The following RNF150 variants were observed in gnomAD, a reference collection of about 807,000 sequenced individuals.
The protein encoded by RNF150 is ring finger protein 150.
RNF150 carries 24 observed loss-of-function variants against 39.3 expected under a neutral mutation model. That is an observed-to-expected ratio of 0.61 (90% CI 0.44 to 0.86). RNF150 has a LOEUF of 0.86. Among genes scored for constraint, RNF150 ranks in the 40% least tolerant of loss-of-function variants. The pLI, the probability that RNF150 is intolerant of heterozygous loss-of-function variation, is 0.00. For synonymous variants in RNF150, 255 were observed against 227.3 expected (o/e 1.12, Z -1.10); for missense variants, 502 against 587.8 (o/e 0.85, Z 1.51).
At chr4:141,104,140 C>T (rs1276620141) in intron 1 of RNF150, among the ~76,000 whole-genome samples, 2 of 152,048 alleles carry the variant, frequency 1.3e-5, no homozygotes, top group Admixed American at 6.6e-5. Flanking sequence ...TTGTGCATAT[C>T]GCCTCATTGG....
In RNF150 at chr4:140,866,327, C is replaced by T. The variant is rs1195276413; in HGVS notation, c.*1934G>A. 3.3e-5 allele frequency: 5 copies of T among 152,172 alleles called. No homozygotes were observed. Among genetic ancestry groups the T allele is most frequent in the South Asian group, 2.1e-4 (1 of 4,818 alleles). 9.4% of individuals were successfully genotyped at this position (152,172 alleles called of 1,614,324 possible). A position where few individuals can be genotyped will look rare whatever the true frequency, so the allele number is the denominator to read the frequency against. ...CCACAGCCAGAGGAGCTTGGGGACT[C>T]ATGTTATTAAACCCTTCACATTATA... is the stretch of plus-strand genomic sequence containing the variant. On this transcript the variant is annotated 3_prime_UTR_variant, in exon 7 of 7. Transcript: ENST00000515673.
chr4:141,025,123 C>G (rs1001042635), intron 1 of RNF150, among the ~76,000 whole-genome samples: 26 of 152,172 alleles, frequency 1.7e-4, no homozygotes, highest in Non-Finnish European at 3.4e-4. Flanking sequence ...AGGATTAGAA[C>G]TCTTCAAGAA....
intron 1 of RNF150, among the ~76,000 whole-genome samples, chr4:140,990,389 T>C (rs1579032115): frequency 6.6e-6 from 1 of 152,330 alleles, no homozygotes; most frequent in East Asian, 1.9e-4. Context: ...ATGCAGGACC[T>C]GCAGGTTACC....
chr4:141,114,263 C>G (rs1739477617), intron 1 of RNF150, among the ~76,000 whole-genome samples: 1 of 151,776 alleles, frequency 6.6e-6, no homozygotes, highest in African/African-American at 2.4e-5. Context: ...AGACCACTAG[C>G]CAGACTAATA....
intron 4 of RNF150, 39 bp from the exon 5 acceptor site, chr4:140,926,112 G>C (rs1731390873): frequency 7.0e-7 from 1 of 1,435,818 alleles, no homozygotes; most frequent in Admixed American, 1.7e-5. Context: ...GGCGGTAACT[G>C]CAGAGAATAC....
chr4:141,103,668 TA>T (rs1739097569), intron 1 of RNF150, among the ~76,000 whole-genome samples: 1 of 152,212 alleles, frequency 6.6e-6, no homozygotes, highest in Non-Finnish European at 1.5e-5. Context: ...TGCAATGAAT[TA>T]TAATGGTTTC....
At chr4:141,080,441 G>T (rs954476007) in intron 1 of RNF150, among the ~76,000 whole-genome samples, 3 of 152,174 alleles carry the variant, frequency 2.0e-5, no homozygotes, top group Non-Finnish European at 4.4e-5. Context: ...GCTATAATCA[G>T]TTTAAATTTT....
chr4:140,987,430 T>C (rs1294092892), intron 1 of RNF150, among the ~76,000 whole-genome samples: 4 of 151,836 alleles, frequency 2.6e-5, no homozygotes, highest in Non-Finnish European at 4.4e-5. Context: ...CACAGACCAA[T>C]AGAATAAAAT....
intron 6 of RNF150, among the ~76,000 whole-genome samples, chr4:140,889,899 C>T (rs1729699500): frequency 6.6e-6 from 1 of 152,032 alleles, no homozygotes; most frequent in African/African-American, 2.4e-5. Context: ...CCCAAGATTC[C>T]CCAGCATAGA....
chr4:140,950,332 G>C (rs1174523955), intron 2 of RNF150, among the ~76,000 whole-genome samples: 1 of 152,096 alleles, frequency 6.6e-6, no homozygotes, highest in African/African-American at 2.4e-5. Context: ...CAAGCTTCTT[G>C]CTTTTCTTTA....
intron 1 of RNF150, among the ~76,000 whole-genome samples, chr4:141,093,597 C>T (rs11941255): frequency 0.29 from 44,445 of 151,920 alleles, 6,850 homozygotes; most frequent in African/African-American, 0.38. Flanking sequence ...TCTGGGGTAA[C>T]CCATAACACC....
intron 1 of RNF150, among the ~76,000 whole-genome samples, chr4:141,077,041 G>A (rs943478390): frequency 6.6e-5 from 10 of 152,056 alleles, no homozygotes; most frequent in African/African-American, 1.2e-4. Context: ...AAGTCACCTG[G>A]TTTAGGGTTG....
At chr4:140,991,924 A>G (rs367978498) in intron 1 of RNF150, among the ~76,000 whole-genome samples, 1 of 152,178 alleles carries the variant, frequency 6.6e-6, no homozygotes, top group African/African-American at 2.4e-5. Flanking sequence ...AGGTCACTCA[A>G]TAATTCTTAA....
chr4:141,203,107 GAC>G (rs1459623925), intron 1 of RNF150, among the ~76,000 whole-genome samples: 4 of 144,756 alleles, frequency 2.8e-5, no homozygotes, highest in African/African-American at 5.1e-5. Context: ...TAATCTTGGA[GAC>G]GATATATATA....
chr4:140,942,646 C>T (rs567875068), intron 4 of RNF150, among the ~76,000 whole-genome samples: 3 of 152,278 alleles, frequency 2.0e-5, no homozygotes, highest in Non-Finnish European at 2.9e-5. Context: ...GAAGTGTTTT[C>T]GAATTTCTTT....
At chr4:140,916,030 CA>C (rs1046085014) in intron 5 of RNF150, among the ~76,000 whole-genome samples, 160 of 152,240 alleles carry the variant, frequency 1.1e-3, no homozygotes, top group African/African-American at 3.8e-3. Flanking sequence ...ACATCCACAC[CA>C]AAAACCCATC....
At chr4:141,021,786 A>G (rs888579355) in intron 1 of RNF150, among the ~76,000 whole-genome samples, 4 of 152,208 alleles carry the variant, frequency 2.6e-5, no homozygotes, top group African/African-American at 7.2e-5. Flanking sequence ...TAGAAGCCCA[A>G]CATGTGGGAA....
chr4:140,898,707 A>C (rs1015557978), intron 6 of RNF150, among the ~76,000 whole-genome samples: 1 of 152,242 alleles, frequency 6.6e-6, no homozygotes, highest in Non-Finnish European at 1.5e-5. Context: ...TTTTTTAACA[A>C]GGAAGATATG....
At chr4:140,888,915 A>G (rs563954685) in intron 6 of RNF150, among the ~76,000 whole-genome samples, 2 of 152,338 alleles carry the variant, frequency 1.3e-5, no homozygotes, top group African/African-American at 4.8e-5. Flanking sequence ...TCATGATTAT[A>G]TTAACCCATC....
Sources: gnomAD v4.1 joint callset for allele counts (sites outside exome capture counted in the v4.1 genomes callset) on GRCh38, gnomAD v4.1.1 for gene constraint, MANE v1.5 for transcripts, NCBI Gene and HGNC (gene_info 2026-07-23, HGNC 2026-07-21) for gene names.